The following SIRPG variants were observed in gnomAD, a reference collection of about 807,000 sequenced individuals.
SIRPG encodes the protein signal-regulatory protein gamma.
A neutral mutation model predicts 35.7 loss-of-function variants in SIRPG; 38 were observed. That is an observed-to-expected ratio of 1.06 (90% confidence interval 0.82 to 1.40). The LOEUF is 1.40. Ranked by LOEUF, SIRPG falls within the 40% of genes most tolerant of loss-of-function variation. The pLI is 0.00. For synonymous variants in SIRPG, 215 were observed against 190.4 expected, an observed-to-expected ratio of 1.13 and a Z score of -1.06; for missense variants, 519 against 483.0, an observed-to-expected ratio of 1.07 and a Z score of -0.70.
At chr20:1,632,549 G>A (rs1329049182) in intron 4 of SIRPG, among the ~76,000 whole-genome samples, 3 of 152,160 alleles carry the variant, frequency 2.0e-5, no homozygotes, top group Non-Finnish European at 4.4e-5. Context: ...GCCAGTGGGT[G>A]GATGAATAAC....
chr20:1,672,669 A>T, the SIRPG span, among the ~76,000 whole-genome samples: 1 of 152,128 alleles, frequency 6.6e-6, no homozygotes, highest in Non-Finnish European at 1.5e-5. Context: ...CACTTCTCTG[A>T]CTCTGTATAC....
At chr20:1,674,214 T>A in the SIRPG span, among the ~76,000 whole-genome samples, 16 of 125,924 alleles carry the variant, frequency 1.3e-4, no homozygotes, top group Admixed American at 1.4e-3. Flanking sequence ...GGGCTGGATT[T>A]AAATTTTTTT....
At chr20:1,654,363 A>G (rs2091962398) in intron 1 of SIRPG, among the ~76,000 whole-genome samples, 1 of 152,226 alleles carries the variant, frequency 6.6e-6, no homozygotes, top group South Asian at 2.1e-4. Flanking sequence ...CCAATGGATC[A>G]GAGCAGAGAG....
At chr20:1,676,361 A>G in the SIRPG span, among the ~76,000 whole-genome samples, 3 of 152,242 alleles carry the variant, frequency 2.0e-5, no homozygotes, top group Non-Finnish European at 4.4e-5. Flanking sequence ...TTCTTTTAAT[A>G]GTTCAACATT....
chr20:1,645,296 G>T (rs561281000), intron 2 of SIRPG, among the ~76,000 whole-genome samples: 8 of 152,236 alleles, frequency 5.3e-5, no homozygotes, highest in African/African-American at 1.9e-4. Context: ...CATGACCTTT[G>T]CCAGGGGACT....
chr20:1,636,282 C>G lies in SIRPG; in HGVS notation c.654G>C (p.Trp218Cys). ...RSTARVVLDP[W>C]DVRSQVICEV... ...CGCAGATGACCTGAGAGCGAACGTCCCAGGGGTCCAGTACCACCCTGGCTG... is the reference window on the plus strand; with the variant it reads ...CGCAGATGACCTGAGAGCGAACGTCGCAGGGGTCCAGTACCACCCTGGCTG... Residue 218 changes from tryptophan to cysteine, a missense_variant, in exon 3 of 6, where the codon TGG becomes TGC. Physicochemically the swap from Trp to Cys is radical, Grantham distance 215 (BLOSUM62 -2). Coordinates refer to ENST00000303415, the MANE Select transcript of SIRPG (RefSeq NM_018556.4). 1 of 1,614,218 alleles carries G rather than the reference C, an allele frequency of 6.2e-7. No homozygotes were observed. Among genetic ancestry groups the G allele is most frequent in the South Asian group, 1.1e-5 (1 of 91,090 alleles).
At chr20:1,668,946 G>A in the SIRPG span, among the ~76,000 whole-genome samples, 1 of 152,136 alleles carries the variant, frequency 6.6e-6, no homozygotes, top group Non-Finnish European at 1.5e-5. Flanking sequence ...GGACAAATCA[G>A]TGACCCAGCA....
chr20:1,643,846 G>T (rs772532194), intron 2 of SIRPG, among the ~76,000 whole-genome samples: 2 of 152,180 alleles, frequency 1.3e-5, no homozygotes, highest in South Asian at 2.1e-4. Flanking sequence ...GCTGCAGTTT[G>T]TTGGGGGTTC....
chr20:1,678,074 T>C, the SIRPG span, among the ~76,000 whole-genome samples: 15 of 152,212 alleles, frequency 9.9e-5, no homozygotes, highest in Non-Finnish European at 1.9e-4. Context: ...AAAACAGCTA[T>C]GTTTTCTGGA....
the SIRPG span, among the ~76,000 whole-genome samples, chr20:1,663,189 T>C: frequency 6.6e-6 from 1 of 151,958 alleles, no homozygotes; most frequent in African/African-American, 2.4e-5. Context: ...GGTGGGCGCC[T>C]GTAGTCCCAG....
At chr20:1,655,711 T>C (rs1417969786) in intron 1 of SIRPG, among the ~76,000 whole-genome samples, 2 of 152,186 alleles carry the variant, frequency 1.3e-5, no homozygotes, top group African/African-American at 4.8e-5. Context: ...TGTAAGGTAA[T>C]GCATATGTTT....
chr20:1,636,567 G>T, intron 2 of SIRPG, 62 bp from the exon 3 acceptor site: 1 of 1,518,456 alleles, frequency 6.6e-7, no homozygotes, highest in Non-Finnish European at 9.1e-7. Context: ...AACGATGAGT[G>T]TGTGACACTG....
chr20:1,673,119 A>G, the SIRPG span, among the ~76,000 whole-genome samples: 6 of 152,342 alleles, frequency 3.9e-5, no homozygotes, highest in South Asian at 2.1e-4. Flanking sequence ...GCCTTTGTAC[A>G]TATTAACCTG....
At chr20:1,667,174 G>C in the SIRPG span, among the ~76,000 whole-genome samples, 1 of 152,208 alleles carries the variant, frequency 6.6e-6, no homozygotes, top group Non-Finnish European at 1.5e-5. Context: ...TGGGATTACA[G>C]GTGTAAGCCA....
At chr20:1,659,813 G>A (rs1247588694), upstream of SIRPG, among the ~76,000 whole-genome samples, 1 of 152,232 alleles carries the variant, frequency 6.6e-6, no homozygotes, top group Non-Finnish European at 1.5e-5. Flanking sequence ...TCAATTAGGA[G>A]CAGCCCTCAT....
chr20:1,670,950 G>A, the SIRPG span: 13 of 346,734 alleles, frequency 3.7e-5, no homozygotes, highest in Admixed American at 6.8e-5. Flanking sequence ...GGGCCACCTC[G>A]CAGATGACCT....
At position 1,657,666 on chromosome 20, in the gene SIRPG, G is replaced by A; in HGVS notation, c.49C>T (p.Leu17=). 1 of 1,614,216 alleles carries A rather than the reference G, an allele frequency of 6.2e-7. No individual in the cohort carries two copies. Among genetic ancestry groups the A allele is most frequent in the Non-Finnish European group, 8.5e-7 (1 of 1,180,032 alleles). Reference sequence around the variant, plus strand: ...CCTGTAAGTCCCAGCAGTAGAGTCAGAAGCAGGAAAGGACCAGGAGGATGG... The same window carrying A: ...CCTGTAAGTCCCAGCAGTAGAGTCAAAAGCAGGAAAGGACCAGGAGGATGG... ...WPHPPGPFLL[L]TLLLGLTEVA... Residue 17 remains leucine, a synonymous_variant, in exon 1 of 6, where the codon CTG becomes TTG. Transcript: ENST00000303415.
At chr20:1,657,496 G>A in intron 1 of SIRPG, 146 bp downstream of exon 1, 1 of 788,412 alleles carries the variant, frequency 1.3e-6, no homozygotes, top group African/African-American at 1.8e-5. Context: ...AAAGTGCTCA[G>A]CTCCCTGATC....
the SIRPG span, among the ~76,000 whole-genome samples, chr20:1,668,131 C>A: frequency 6.7e-5 from 10 of 149,386 alleles, no homozygotes; most frequent in South Asian, 2.0e-3. Flanking sequence ...CTTTCTTTTT[C>A]TTTCTCTTTT....
Sources: allele counts gnomAD v4.1 joint callset (sites outside exome capture counted in the v4.1 genomes callset), GRCh38; gene constraint gnomAD v4.1.1; transcripts MANE v1.5; gene names NCBI Gene and HGNC (gene_info 2026-07-23, HGNC 2026-07-21).